The following PKD2L2 variants were observed in gnomAD, a reference collection of about 807,000 sequenced individuals.
PKD2L2 encodes polycystin 2 like 2, transient receptor potential cation channel.
Under a neutral mutation model 83.9 loss-of-function variants are expected in PKD2L2, and 67 were observed. The ratio of observed to expected loss-of-function variants is 0.80; its 90% CI spans 0.66 to 0.98. The LOEUF (loss-of-function observed/expected upper bound fraction) is 0.98, where lower values mean the gene tolerates loss of function less well. Among genes scored for constraint, PKD2L2 ranks in the 50% least tolerant of loss-of-function variants. The pLI is 0.00. For synonymous variants in PKD2L2, 223 were observed against 237.8 expected (o/e 0.94, Z 0.57); for missense variants, 632 against 717.2 (o/e 0.88, Z 1.36).
chr5:137,922,927 T>C (rs1262162665), intron 9 of PKD2L2, among the ~76,000 whole-genome samples: 1 of 152,206 alleles, frequency 6.6e-6, no homozygotes, highest in Non-Finnish European at 1.5e-5. Context: ...CTTTATTGTC[T>C]GCATAGTCAT....
rs1268280199 is a variant in PKD2L2, at chr5:137,912,226, T to C, written c.1328+3280T>C. On this transcript the variant is annotated intron_variant, in intron 8 of 14. Coordinates refer to ENST00000508883, the MANE Select transcript of PKD2L2 (RefSeq NM_001300921.2). ...CCTATTTTTAATTTTCTGAGGAGTATCAATACTGTTTGGCATAGAGGCTAT... is the reference window on the plus strand; with the variant it reads ...CCTATTTTTAATTTTCTGAGGAGTACCAATACTGTTTGGCATAGAGGCTAT... Among the ~76,000 whole-genome samples, 6 of 152,326 alleles carry C rather than the reference T, an allele frequency of 3.9e-5. No individual in the cohort carries two copies. In the South Asian group the frequency reaches 1.2e-3, roughly 32 times the overall value.
chr5:137,889,516 C>A lies in PKD2L2; in HGVS notation c.25C>A (p.Arg9=), dbSNP rs1447073455. 1.3e-6 allele frequency: 2 copies of A among 1,555,280 alleles called. No individual in the cohort carries two copies. The highest frequency in any genetic ancestry group is 4.3e-5 in the Admixed American group (2 of 46,618). MAEASRWH[R]GGASKHKLHY... is the part of the protein sequence containing the mutation. ...CATGGCTGAGGCGTCACGGTGGCACCGAGGCGGTGAGGGGTCCTCTTAAGG... is the reference window on the plus strand; with the variant it reads ...CATGGCTGAGGCGTCACGGTGGCACAGAGGCGGTGAGGGGTCCTCTTAAGG... Residue 9 remains arginine, a synonymous_variant, in exon 1 of 15, where the codon CGA becomes AGA. Coordinates refer to ENST00000508883, the MANE Select transcript of PKD2L2 (RefSeq NM_001300921.2).
intron 9 of PKD2L2, among the ~76,000 whole-genome samples, chr5:137,922,642 G>C (rs1437364231): frequency 6.6e-6 from 1 of 151,984 alleles, no homozygotes; most frequent in East Asian, 1.9e-4. Flanking sequence ...GGTGGCTGGG[G>C]CATGAGAATC....
At chr5:137,924,199 A>C (rs886247830) in intron 10 of PKD2L2, among the ~76,000 whole-genome samples, 1 of 152,118 alleles carries the variant, frequency 6.6e-6, no homozygotes, top group Non-Finnish European at 1.5e-5. Context: ...CAGTTTCCCT[A>C]ATCCTGTCAA....
chr5:137,904,868 G>A (rs898080957), intron 5 of PKD2L2, among the ~76,000 whole-genome samples: 3 of 152,234 alleles, frequency 2.0e-5, no homozygotes, highest in Non-Finnish European at 2.9e-5. Flanking sequence ...TTTGCTCCCC[G>A]TGCAACAGGG....
intron 8 of PKD2L2, among the ~76,000 whole-genome samples, chr5:137,917,434 G>A (rs1031012426): frequency 6.6e-6 from 1 of 152,046 alleles, no homozygotes; most frequent in African/African-American, 2.4e-5. Flanking sequence ...AAAGTGCTGG[G>A]ATTACAAGCG....
At chr5:137,889,548 A>G in intron 1 of PKD2L2, 26 bp downstream of exon 1, 2 of 1,532,258 alleles carry the variant, frequency 1.3e-6, no homozygotes, top group East Asian at 2.6e-5. Flanking sequence ...AAGGAGTGGG[A>G]GGGACAGGGG....
At chr5:137,914,293 T>C (rs1394033038) in intron 8 of PKD2L2, among the ~76,000 whole-genome samples, 2 of 152,214 alleles carry the variant, frequency 1.3e-5, no homozygotes, top group African/African-American at 4.8e-5. Context: ...TCAAAACTTT[T>C]TGAGTGCTGA....
intron 6 of PKD2L2, among the ~76,000 whole-genome samples, chr5:137,907,006 C>G (rs566707661): frequency 6.6e-6 from 1 of 152,268 alleles, no homozygotes; most frequent in African/African-American, 2.4e-5. Flanking sequence ...GAGATTTAGG[C>G]AGGCCGAGAC....
chr5:137,901,763 A>C (rs1224493657), intron 5 of PKD2L2, among the ~76,000 whole-genome samples: 5 of 152,178 alleles, frequency 3.3e-5, no homozygotes, highest in African/African-American at 1.2e-4. Context: ...CTCATAACAC[A>C]CAGTACTCTT....
chr5:137,891,034 T>G (rs1480195832), intron 2 of PKD2L2, among the ~76,000 whole-genome samples: 1 of 152,156 alleles, frequency 6.6e-6, no homozygotes, highest in African/African-American at 2.4e-5. Context: ...GTTAAAAAAA[T>G]AGTTTGTGCT....
chr5:137,924,989 A>G, intron 10 of PKD2L2, 51 bp from the exon 11 acceptor site: 1 of 1,034,886 alleles, frequency 9.7e-7, no homozygotes, highest in Non-Finnish European at 1.5e-6. Context: ...AAACATTAAT[A>G]ATCAAGGATA....
chr5:137,936,078 G>A (rs1016321772), intron 13 of PKD2L2, among the ~76,000 whole-genome samples, 169 bp downstream of exon 13: 2 of 152,174 alleles, frequency 1.3e-5, no homozygotes, highest in African/African-American at 4.8e-5. Context: ...CTTACAAGGT[G>A]AGAAGCTTTT....
chr5:137,908,841 T>C lies in PKD2L2; in HGVS notation c.1223T>C (p.Val408Ala), dbSNP rs1488182332. The C allele has an allele frequency of 1.9e-6, 3 of 1,594,454 alleles. No homozygotes were observed. In the Admixed American group the frequency reaches 5.0e-5, roughly 27 times the overall value. Residue 408 changes from valine to alanine, a missense_variant, in exon 8 of 15, where the codon GTA becomes GCA. This residue lies in a region of PKD2L2 where 399 missense variants were observed against 416.9 expected (regional missense o/e 0.96). Transcript: ENST00000508883. ...TTGTCCCGTTGTGTTAAAGACATAG[T>C]AGGATTTGCCATCATGTTTTTTATA... is the stretch of plus-strand genomic sequence containing the variant. ...STLSRCVKDI[V>A]GFAIMFFIIF... is the part of the protein sequence containing the mutation.
At chr5:137,891,409 G>GAA (rs1755971061) in intron 2 of PKD2L2, among the ~76,000 whole-genome samples, 1 of 151,418 alleles carries the variant, frequency 6.6e-6, no homozygotes, top group Non-Finnish European at 1.5e-5. Flanking sequence ...AGGCTGCAGT[G>GAA]AACTGTGATT....
At chr5:137,938,052 T>C (rs1206516754) in intron 14 of PKD2L2, 1 of 152,186 alleles carries the variant, frequency 6.6e-6, no homozygotes, top group African/African-American at 2.4e-5. Flanking sequence ...TATATCTATA[T>C]ATTATTTGTA....
At chr5:137,925,591 A>G (rs1335710095) in intron 11 of PKD2L2, among the ~76,000 whole-genome samples, 1 of 152,276 alleles carries the variant, frequency 6.6e-6, no homozygotes, top group Non-Finnish European at 1.5e-5. Flanking sequence ...ACTTACGGAC[A>G]ATACTTATAC....
chr5:137,936,717 A>C (rs969869679), intron 14 of PKD2L2, among the ~76,000 whole-genome samples: 2 of 152,230 alleles, frequency 1.3e-5, no homozygotes, highest in African/African-American at 4.8e-5. Flanking sequence ...GGCCTCCCAA[A>C]GTGCTGGGAT....
At chr5:137,910,306 T>C (rs1468381046) in intron 8 of PKD2L2, among the ~76,000 whole-genome samples, 1 of 150,782 alleles carries the variant, frequency 6.6e-6, no homozygotes, top group African/African-American at 2.4e-5. Context: ...TGAATACAGA[T>C]GTAATAATTT....
Sources: allele counts gnomAD v4.1 joint callset (sites outside exome capture counted in the v4.1 genomes callset), GRCh38; gene constraint gnomAD v4.1.1; regional missense constraint gnomAD v4.1.1; transcripts MANE v1.5; gene names NCBI Gene and HGNC (gene_info 2026-07-23, HGNC 2026-07-21).